RALYL: variants seen among roughly 807,000 people sequenced by gnomAD.
RALYL encodes the protein RALY RNA binding protein like, also known as RNA-binding Raly-like protein.
RALYL carries 29 observed loss-of-function variants against 35.1 expected under a neutral mutation model. The observed-to-expected ratio is 0.83, with a 90% CI of 0.61 to 1.13. RALYL has a LOEUF of 1.13. Ranked by LOEUF, RALYL falls within the 50% of genes most tolerant of loss-of-function variation. RALYL has a pLI of 0.00. For synonymous variants in RALYL, 120 were observed against 127.6 expected, an observed-to-expected ratio of 0.94 and a Z score of 0.40; for missense variants, 359 against 360.4, an observed-to-expected ratio of 1.00 and a Z score of 0.03.
intron 1 of RALYL, among the ~76,000 whole-genome samples, chr8:84,367,322 T>TTTTTGTTTTTTTTTTTTTTG (rs1854605269): frequency 7.7e-5 from 1 of 12,972 alleles, no homozygotes; most frequent in Non-Finnish European, 1.3e-4. Flanking sequence ...TTTTGTATTT[T>TTTTTGTTTTTTTTTTTTTTG]TTTTTTTTTT....
chr8:84,583,180 T>C (rs1451714622), intron 2 of RALYL, among the ~76,000 whole-genome samples: 4 of 152,290 alleles, frequency 2.6e-5, no homozygotes, highest in African/African-American at 9.6e-5. Context: ...ATGTTAGTCC[T>C]CTTGTCCTTC....
chr8:84,772,395 A>C (rs1271822665), intron 2 of RALYL, among the ~76,000 whole-genome samples: 1 of 152,134 alleles, frequency 6.6e-6, no homozygotes, highest in South Asian at 2.1e-4. Flanking sequence ...TACATAAAAA[A>C]TATTGGGGAT....
chr8:84,400,207 G>T (rs991147462), intron 1 of RALYL, among the ~76,000 whole-genome samples: 1 of 152,158 alleles, frequency 6.6e-6, no homozygotes, highest in Non-Finnish European at 1.5e-5. Context: ...GTTAGGGATG[G>T]AACCCAATTC....
intron 1 of RALYL, among the ~76,000 whole-genome samples, chr8:84,199,509 A>G (rs1816304730): frequency 6.6e-6 from 1 of 151,924 alleles, no homozygotes; most frequent in Admixed American, 6.6e-5. Context: ...ATGTGATCCC[A>G]TTTGTCCATT....
At chr8:84,689,070 CT>C (rs543112839) in intron 2 of RALYL, among the ~76,000 whole-genome samples, 114 of 146,220 alleles carry the variant, frequency 7.8e-4, no homozygotes, top group South Asian at 3.9e-3. Flanking sequence ...GACTTTTTTT[CT>C]TTTTTTTTTT....
At chr8:84,784,023 T>C (rs1196895624) in intron 3 of RALYL, among the ~76,000 whole-genome samples, 1 of 152,220 alleles carries the variant, frequency 6.6e-6, no homozygotes, top group Admixed American at 6.5e-5. Flanking sequence ...GTCTCATTTC[T>C]TTTTAAACAA....
chr8:84,426,377 T>C (rs986665063), intron 1 of RALYL, among the ~76,000 whole-genome samples: 1 of 151,862 alleles, frequency 6.6e-6, no homozygotes, highest in African/African-American at 2.4e-5. Context: ...CTGATCTACA[T>C]CTCCCCATTC....
At chr8:84,381,402 C>A (rs920479882) in intron 1 of RALYL, among the ~76,000 whole-genome samples, 6 of 151,870 alleles carry the variant, frequency 4.0e-5, no homozygotes, top group Admixed American at 6.6e-5. Context: ...AAAAAGGGGT[C>A]CTTCTTAACA....
At chr8:84,241,828 A>C (rs1237946343) in intron 1 of RALYL, among the ~76,000 whole-genome samples, 1 of 151,982 alleles carries the variant, frequency 6.6e-6, no homozygotes, top group African/African-American at 2.4e-5. Flanking sequence ...AAATATTAGT[A>C]ACCACACTTT....
rs1358835243 is a variant in RALYL, at chr8:84,921,042, T to G, written c.*131T>G. 1 of 498,076 alleles carries G rather than the reference T, an allele frequency of 2.0e-6. No individual in the cohort carries two copies. The highest frequency in any genetic ancestry group is 3.6e-6 in the Non-Finnish European group (1 of 281,342). 30.9% of individuals were successfully genotyped at this position (498,076 alleles called of 1,614,324 possible). On this transcript the variant is annotated 3_prime_UTR_variant, in exon 9 of 9. Coordinates refer to ENST00000521268, the MANE Select transcript of RALYL (RefSeq NM_173848.7). ...TATATAAAAACCCAAATAAATAAAA[T>G]GGACAGTATTGCTCAGTTTTAGAAA...
intron 1 of RALYL, among the ~76,000 whole-genome samples, chr8:84,257,026 T>C (rs1230576227): frequency 6.6e-6 from 1 of 151,958 alleles, no homozygotes; most frequent in Non-Finnish European, 1.5e-5. Context: ...ACGATATAAA[T>C]ATAATATATT....
At chr8:84,445,711 A>G (rs1249006171) in intron 1 of RALYL, among the ~76,000 whole-genome samples, 1 of 151,640 alleles carries the variant, frequency 6.6e-6, no homozygotes, top group Non-Finnish European at 1.5e-5. Flanking sequence ...AATTACTTTC[A>G]TTTCATTTAC....
At chr8:84,358,852 A>G (rs1369289109) in intron 1 of RALYL, among the ~76,000 whole-genome samples, 1 of 152,078 alleles carries the variant, frequency 6.6e-6, no homozygotes, top group Non-Finnish European at 1.5e-5. Flanking sequence ...TAGCATTATA[A>G]GAACTATATG....
chr8:84,599,578 G>A (rs912810147), intron 2 of RALYL, among the ~76,000 whole-genome samples: 4 of 151,860 alleles, frequency 2.6e-5, no homozygotes, highest in Admixed American at 1.3e-4. Context: ...TATATCTATT[G>A]AGCTTCCTAC....
intron 1 of RALYL, among the ~76,000 whole-genome samples, chr8:84,270,300 G>A (rs1834053088): frequency 6.6e-6 from 1 of 152,222 alleles, no homozygotes; most frequent in African/African-American, 2.4e-5. Context: ...CGTGGTGATG[G>A]TGGAACGCAT....
In RALYL at chr8:84,315,957, T is replaced by A. The variant is rs897722692; in HGVS notation, c.-24+131533T>A. ...AATAAAATCTGGGGTAGGATGAAGC[T>A]TTAAGCACAACTGATGCTATTTAGT... On this transcript the variant is annotated intron_variant, in intron 1 of 8. Transcript: ENST00000521268. Among the ~76,000 whole-genome samples, 7 of 152,222 alleles carry A rather than the reference T, an allele frequency of 4.6e-5. No homozygotes were observed. The East Asian group carries it at 1.3e-3, about 29-fold the overall frequency.
At chr8:84,470,246 A>T (rs1446396439) in intron 1 of RALYL, among the ~76,000 whole-genome samples, 1 of 152,184 alleles carries the variant, frequency 6.6e-6, no homozygotes, top group Non-Finnish European at 1.5e-5. Context: ...ATATAGAGGC[A>T]ATAACATTAA....
intron 2 of RALYL, among the ~76,000 whole-genome samples, chr8:84,580,518 C>A (rs1810578628): frequency 6.6e-6 from 1 of 152,120 alleles, no homozygotes; most frequent in Non-Finnish European, 1.5e-5. Context: ...ACTAATACAG[C>A]AAGAAGTCAT....
chr8:84,499,242 C>T (rs2056412765), intron 1 of RALYL, among the ~76,000 whole-genome samples: 2 of 152,016 alleles, frequency 1.3e-5, no homozygotes, highest in South Asian at 4.1e-4. Flanking sequence ...TTACCTCCCT[C>T]GCGCCTTTAT....
Sources: allele counts gnomAD v4.1 joint callset (sites outside exome capture counted in the v4.1 genomes callset), GRCh38; gene constraint gnomAD v4.1.1; transcripts MANE v1.5; gene names NCBI Gene and HGNC (gene_info 2026-07-23, HGNC 2026-07-21).